HSF2BP: variants seen among roughly 807,000 people sequenced by gnomAD.
HSF2BP encodes the protein heat shock transcription factor 2 binding protein, also known as heat shock factor 2-binding protein.
HSF2BP carries 35 observed loss-of-function variants against 35.0 expected under a neutral mutation model. The ratio of observed to expected loss-of-function variants is 1.00; its 90% CI spans 0.76 to 1.32. The LOEUF (loss-of-function observed/expected upper bound fraction) is 1.32, where lower values mean the gene tolerates loss of function less well. Among genes scored for constraint, HSF2BP ranks in the 40% most tolerant of loss-of-function variants. HSF2BP has a pLI of 0.00. For synonymous variants in HSF2BP, 114 were observed against 117.4 expected, an observed-to-expected ratio of 0.97 and a Z score of 0.18; for missense variants, 326 against 321.7, an observed-to-expected ratio of 1.01 and a Z score of -0.10.
intron 3 of HSF2BP, among the ~76,000 whole-genome samples, chr21:43,650,004 A>G (rs959885620): frequency 1.3e-5 from 2 of 152,184 alleles, no homozygotes; most frequent in African/African-American, 4.8e-5. Flanking sequence ...CGACTTCACA[A>G]GCAAAACTAA....
chr21:43,622,778 A>G (rs1472827173), intron 6 of HSF2BP, among the ~76,000 whole-genome samples: 1 of 152,184 alleles, frequency 6.6e-6, no homozygotes, highest in African/African-American at 2.4e-5. Context: ...CCAAAAAAAA[A>G]TCAACAAAGA....
intron 4 of HSF2BP, among the ~76,000 whole-genome samples, chr21:43,638,889 T>G (rs570777833): frequency 2.6e-5 from 4 of 152,352 alleles, no homozygotes; most frequent in African/African-American, 9.6e-5. Flanking sequence ...AAGAATCATT[T>G]TATCCAGTGT....
intron 8 of HSF2BP, among the ~76,000 whole-genome samples, chr21:43,576,118 CAA>C (rs34954288): frequency 0.085 from 9,706 of 114,852 alleles, 488 homozygotes; most frequent in African/African-American, 0.18. Context: ...ATTTTGTCTC[CAA>C]AAAAAAAAAA....
At chr21:43,609,980 G>C (rs2082183604) in intron 7 of HSF2BP, 1 of 152,542 alleles carries the variant, frequency 6.6e-6, no homozygotes, top group Admixed American at 6.5e-5. Context: ...GGAGAGGCTA[G>C]AAGTGACCCA....
chr21:43,575,749 T>C (rs76171688), intron 8 of HSF2BP, among the ~76,000 whole-genome samples: 3,875 of 152,316 alleles, frequency 0.025, 54 homozygotes, highest in Middle Eastern at 0.065. Flanking sequence ...GCTTTCTTCC[T>C]ATTTATAGTT....
intron 7 of HSF2BP, among the ~76,000 whole-genome samples, chr21:43,596,760 TAG>T (rs1474607338): frequency 6.6e-6 from 1 of 151,772 alleles, no homozygotes; most frequent in Non-Finnish European, 1.5e-5. Flanking sequence ...GACACATGCC[TAG>T]AGTCTCAGCT....
intron 6 of HSF2BP, among the ~76,000 whole-genome samples, chr21:43,627,606 TC>T (rs1187883234): frequency 6.6e-6 from 1 of 152,078 alleles, no homozygotes; most frequent in Non-Finnish European, 1.5e-5. Flanking sequence ...TCCAGGGTGC[TC>T]CCCAGCATTA....
At chr21:43,619,464 C>G (rs963918938) in intron 6 of HSF2BP, among the ~76,000 whole-genome samples, 2 of 152,178 alleles carry the variant, frequency 1.3e-5, no homozygotes, top group Non-Finnish European at 2.9e-5. Flanking sequence ...AGATTATCAG[C>G]AGCAATATCC....
chr21:43,645,877 A>C (rs1041946490), intron 3 of HSF2BP, among the ~76,000 whole-genome samples: 3 of 152,210 alleles, frequency 2.0e-5, no homozygotes, highest in Admixed American at 6.5e-5. Context: ...AAAGCTCTAA[A>C]GGAAATGTTA....
intron 3 of HSF2BP, among the ~76,000 whole-genome samples, chr21:43,655,869 C>T (rs2838339): frequency 0.67 from 102,484 of 152,086 alleles, 35,062 homozygotes; most frequent in East Asian, 0.79. Context: ...CTCATATTCT[C>T]GGGGTGAGCT....
Position 43,658,124 on chromosome 21 carries a change from C to CT in HSF2BP, c.-29dup. 1 of 1,518,264 alleles carries CT rather than the reference C, an allele frequency of 6.6e-7. No homozygotes were observed. Among genetic ancestry groups the CT allele is most frequent in the Non-Finnish European group, 8.8e-7 (1 of 1,136,666 alleles). 94.0% of individuals were successfully genotyped at this position (1,518,264 alleles called of 1,614,324 possible). ...CCGCTGCCGCCTCCGCTCCGTTCGC[C>CT]TGAGCGTCGGCGCGCCCTCTGACCC... On this transcript the variant is annotated 5_prime_UTR_variant, in exon 2 of 9. Transcript: ENST00000291560.
At chr21:43,646,871 G>A (rs770852238) in intron 3 of HSF2BP, among the ~76,000 whole-genome samples, 5 of 152,138 alleles carry the variant, frequency 3.3e-5, no homozygotes, top group Admixed American at 6.5e-5. Flanking sequence ...CTGCTGCCTC[G>A]GAACAGAACC....
At chr21:43,617,640 T>C (rs1022543033) in intron 6 of HSF2BP, among the ~76,000 whole-genome samples, 3 of 152,026 alleles carry the variant, frequency 2.0e-5, no homozygotes, top group East Asian at 1.9e-4. Flanking sequence ...ATTCTAGAGA[T>C]TAGTATAGTA....
intron 2 of HSF2BP, among the ~76,000 whole-genome samples, chr21:43,657,277 T>C (rs2082884156): frequency 6.6e-6 from 1 of 152,162 alleles, no homozygotes; most frequent in South Asian, 2.1e-4. Flanking sequence ...GGAAGAAGGC[T>C]TGAGCTCAGG....
At chr21:43,596,904 A>AGAG (rs1555859798) in intron 7 of HSF2BP, among the ~76,000 whole-genome samples, 28,225 of 135,890 alleles carry the variant, frequency 0.21, 3,674 homozygotes, top group Admixed American at 0.26. Context: ...AAAAAAAAAA[A>AGAG]AGAGAATTTT....
rs1167843717 is a variant in HSF2BP, at chr21:43,652,808, T to C, written c.187+3779A>G. 4.6e-5 allele frequency among the ~76,000 whole-genome samples: 7 copies of C among 152,030 alleles called. No individual in the cohort carries two copies. In the East Asian group the frequency reaches 1.2e-3, roughly 25 times the overall value. On this transcript the variant is annotated intron_variant, in intron 3 of 8. Transcript: ENST00000291560. ...TTAACACCACGTTTCCTGGAGCACA[T>C]GTGAGTTTCATGAGATAGGACTGCA... is the stretch of plus-strand genomic sequence containing the variant.
intron 8 of HSF2BP, among the ~76,000 whole-genome samples, chr21:43,579,911 T>G (rs1291007860): frequency 6.6e-6 from 1 of 152,190 alleles, no homozygotes; most frequent in Non-Finnish European, 1.5e-5. Flanking sequence ...AGTGTTTATA[T>G]CTCTATTTTG....
At chr21:43,629,924 T>C (rs1255569074) in intron 6 of HSF2BP, among the ~76,000 whole-genome samples, 1 of 152,224 alleles carries the variant, frequency 6.6e-6, no homozygotes, top group Non-Finnish European at 1.5e-5. Context: ...TGAGAAATCT[T>C]ACATGAAAGG....
At chr21:43,637,296 A>G (rs1568933371) in intron 4 of HSF2BP, among the ~76,000 whole-genome samples, 1 of 152,206 alleles carries the variant, frequency 6.6e-6, no homozygotes, top group Non-Finnish European at 1.5e-5. Flanking sequence ...TGCCAGACAC[A>G]GAAGACTACA....
Sources: gnomAD v4.1 joint callset for allele counts (sites outside exome capture counted in the v4.1 genomes callset) on GRCh38, gnomAD v4.1.1 for gene constraint, MANE v1.5 for transcripts, NCBI Gene and HGNC (gene_info 2026-07-23, HGNC 2026-07-21) for gene names.